The following PREX1 variants were observed in gnomAD, a reference collection of about 807,000 sequenced individuals.
PREX1 encodes the protein phosphatidylinositol-3,4,5-trisphosphate dependent Rac exchange factor 1.
In PREX1, 41 loss-of-function variants were observed where a neutral mutation model predicts 198.3. The ratio of observed to expected loss-of-function variants is 0.21; its 90% CI spans 0.16 to 0.27. PREX1 has a LOEUF of 0.27. Among genes scored for constraint, PREX1 ranks in the 10% least tolerant of loss-of-function variants. PREX1 has a pLI of 1.00. For missense variants in PREX1, 1,620 were observed against 2,200.7 expected, an observed-to-expected ratio of 0.74 and a Z score of 5.28; for synonymous variants, 843 against 887.2, an observed-to-expected ratio of 0.95 and a Z score of 0.89.
chr20:48,748,466 C>T (rs1371850144), intron 1 of PREX1, among the ~76,000 whole-genome samples: 1 of 151,888 alleles, frequency 6.6e-6, no homozygotes, highest in Non-Finnish European at 1.5e-5. Context: ...CACACACATA[C>T]ACATCTATTC....
chr20:48,744,595 C>T (rs1455549103), intron 3 of PREX1, among the ~76,000 whole-genome samples: 3 of 152,234 alleles, frequency 2.0e-5, no homozygotes, highest in Non-Finnish European at 4.4e-5. Flanking sequence ...GACCAACAGC[C>T]CAACGGGGCA....
chr20:48,715,248 C>A (rs1485611821), intron 5 of PREX1, among the ~76,000 whole-genome samples: 1 of 152,146 alleles, frequency 6.6e-6, no homozygotes, highest in East Asian at 1.9e-4. Context: ...ATCTGTAAGA[C>A]CTCAAGGAGT....
At chr20:48,696,085 T>G (rs1188173523) in intron 7 of PREX1, among the ~76,000 whole-genome samples, 2 of 152,258 alleles carry the variant, frequency 1.3e-5, no homozygotes, top group Non-Finnish European at 2.9e-5. Context: ...ACAGTATTTT[T>G]TAATGAAATT....
intron 6 of PREX1, among the ~76,000 whole-genome samples, chr20:48,705,821 A>C (rs144077371): frequency 9.8e-5 from 15 of 152,364 alleles, no homozygotes; most frequent in Non-Finnish European, 1.3e-4. Context: ...AAACCAAAAA[A>C]ATAACTTCAG....
At chr20:48,855,410 G>C in the PREX1 span, among the ~76,000 whole-genome samples, 170 of 152,136 alleles carry the variant, frequency 1.1e-3, no homozygotes, top group African/African-American at 3.8e-3. Context: ...TGGCGGCAGG[G>C]GGACAGATGA....
At position 48,644,454 on chromosome 20, in the gene PREX1, C is replaced by T. The variant is rs774958876; in HGVS notation, c.3556G>A (p.Val1186Met). Residue 1186 changes from valine to methionine, a missense_variant, in exon 27 of 40, where the codon GTG becomes ATG. Val to Met is a conservative substitution (Grantham distance 21). Coordinates refer to ENST00000371941, the MANE Select transcript of PREX1 (RefSeq NM_020820.4). ...CCCAAGTAGGAGCTGTTACTTCTCA[C>T]GCTGGTGTAGGACAGGACCGAGTCT... is the stretch of plus-strand genomic sequence containing the variant. Reference protein sequence around the residue: ...NRDSVLSYTSVRSNSSYLGSD... With the variant: ...NRDSVLSYTSMRSNSSYLGSD... The T allele has an allele frequency of 2.1e-5, 34 of 1,613,848 alleles. No homozygotes were observed. In the African/African-American group the frequency reaches 2.5e-4, roughly 12 times the overall value.
intron 9 of PREX1, among the ~76,000 whole-genome samples, chr20:48,689,220 G>A (rs73911635): frequency 0.011 from 1,610 of 152,212 alleles, 32 homozygotes; most frequent in African/African-American, 0.037. Flanking sequence ...AAGTCTGGTC[G>A]TTCTTCCAGC....
intron 5 of PREX1, among the ~76,000 whole-genome samples, chr20:48,715,494 T>C (rs1213645684): frequency 1.3e-5 from 2 of 152,148 alleles, no homozygotes; most frequent in African/African-American, 2.4e-5. Flanking sequence ...AAGGGAGGCA[T>C]GGTCTCTACT....
chr20:48,759,549 C>CAAAAAAAAAAAAAAA (rs386393896), intron 1 of PREX1, among the ~76,000 whole-genome samples: 6 of 73,970 alleles, frequency 8.1e-5, no homozygotes, highest in Non-Finnish European at 1.5e-4. Flanking sequence ...GATTCCATCT[C>CAAAAAAAAAAAAAAA]AAAAAAAAAA....
intron 3 of PREX1, among the ~76,000 whole-genome samples, chr20:48,740,226 A>G (rs1451212008): frequency 6.6e-6 from 1 of 152,116 alleles, no homozygotes. Flanking sequence ...TGGGAAGGAG[A>G]GTGGACCCAG....
chr20:48,863,487 T>C, the PREX1 span, among the ~76,000 whole-genome samples: 1 of 151,316 alleles, frequency 6.6e-6, no homozygotes, highest in Non-Finnish European at 1.5e-5. Flanking sequence ...CACAGTTTTG[T>C]GGGGTTTTTT....
intron 5 of PREX1, among the ~76,000 whole-genome samples, chr20:48,718,808 G>A (rs2089973295): frequency 6.6e-6 from 1 of 152,212 alleles, no homozygotes; most frequent in Non-Finnish European, 1.5e-5. Flanking sequence ...GCATTTTACA[G>A]ATATTTTTCA....
intron 31 of PREX1, 80 bp from the exon 32 acceptor site, chr20:48,636,763 C>T: frequency 1.6e-6 from 2 of 1,272,450 alleles, no homozygotes; most frequent in Non-Finnish European, 1.1e-6. Context: ...ACCCTGGGTC[C>T]AGGACCCCTC....
chr20:48,834,625 T>A, the PREX1 span, among the ~76,000 whole-genome samples: 2 of 151,910 alleles, frequency 1.3e-5, no homozygotes, highest in African/African-American at 2.4e-5. Context: ...AGTGGCACAA[T>A]CACAGCTCAC....
chr20:48,804,177 A>G (rs893650799), intron 1 of PREX1, among the ~76,000 whole-genome samples: 2 of 152,222 alleles, frequency 1.3e-5, no homozygotes, highest in Admixed American at 1.3e-4. Context: ...CACTCTGCAA[A>G]TATCTACTAA....
the PREX1 span, among the ~76,000 whole-genome samples, chr20:48,881,488 A>AT: frequency 5.1e-3 from 711 of 139,428 alleles, 6 homozygotes; most frequent in South Asian, 0.022. Context: ...CATACAATTC[A>AT]TTTTTTTTTT....
Position 48,632,573 on chromosome 20 carries a change from C to A in PREX1, c.4334G>T (p.Ser1445Ile). 1 of 1,614,042 alleles carries A rather than the reference C, an allele frequency of 6.2e-7. No homozygotes were observed. The highest frequency in any genetic ancestry group is 8.5e-7 in the Non-Finnish European group (1 of 1,179,942). The stretch of plus-strand genomic sequence containing the variant: ...GGAGGGCAGCTTGGAGAAGTGGTAG[C>A]TGTCGAGGTAGAAGATGACCTTCAG... ...QALKVIFYLDSYHFSKLPSRL... is the reference protein window; with the variant it reads ...QALKVIFYLDIYHFSKLPSRL... Residue 1445 changes from serine to isoleucine, a missense_variant, in exon 34 of 40, where the codon AGC (serine) becomes ATC (isoleucine). By Grantham distance (142) the Ser-to-Ile change is moderately radical. Around this residue, in one of 7 missense-constraint regions of PREX1, gnomAD observed 476 missense variants for 603.4 expected, o/e 0.79. Coordinates refer to ENST00000371941, the MANE Select transcript of PREX1 (RefSeq NM_020820.4).
At chr20:48,734,684 G>A (rs373692987) in intron 3 of PREX1, 34 bp from the exon 4 acceptor site, 459 of 1,595,794 alleles carry the variant, frequency 2.9e-4, no homozygotes, top group Non-Finnish European at 3.8e-4. Context: ...TGGGAGGCAG[G>A]TCATGGTAGC....
rs554154237 is a variant in PREX1 at position 48,627,794 on chromosome 20, C to G, written c.4869+67G>C. 6 of 1,504,004 alleles carry G rather than the reference C, an allele frequency of 4.0e-6. No individual in the cohort carries two copies. In the South Asian group the frequency reaches 7.1e-5, roughly 18 times the overall value. 93.2% of individuals were successfully genotyped at this position (1,504,004 alleles called of 1,614,324 possible). A position where few individuals can be genotyped will look rare whatever the true frequency, so the allele number is the denominator to read the frequency against. On this transcript the variant is annotated intron_variant, in intron 38 of 39. Coordinates refer to ENST00000371941, the MANE Select transcript of PREX1 (RefSeq NM_020820.4). ...GGTGGCTACCAGCCCCTCATCCCAC[C>G]CTGGCTGCAAGCATGCCACGCCCTC...
Sources: allele counts gnomAD v4.1 joint callset (sites outside exome capture counted in the v4.1 genomes callset), GRCh38; gene constraint gnomAD v4.1.1; regional missense constraint gnomAD v4.1.1; transcripts MANE v1.5; gene names NCBI Gene and HGNC (gene_info 2026-07-23, HGNC 2026-07-21).